The following SPOCK3 variants were observed in gnomAD, a reference collection of about 807,000 sequenced individuals.
SPOCK3 encodes testican-3.
A neutral mutation model predicts 56.6 loss-of-function variants in SPOCK3; 30 were observed. The observed-to-expected ratio is 0.53, with a 90% CI of 0.40 to 0.72. The LOEUF (loss-of-function observed/expected upper bound fraction) is 0.72. Among genes scored for constraint, SPOCK3 ranks in the 30% least tolerant of loss-of-function variants. The pLI is 0.00. For synonymous variants in SPOCK3, 196 were observed against 183.3 expected, an observed-to-expected ratio of 1.07 and a Z score of -0.56; for missense variants, 527 against 530.0, an observed-to-expected ratio of 0.99 and a Z score of 0.06.
intron 2 of SPOCK3, among the ~76,000 whole-genome samples, chr4:167,126,839 T>C (rs1237748269): frequency 6.6e-6 from 1 of 152,172 alleles, no homozygotes; most frequent in Non-Finnish European, 1.5e-5. Flanking sequence ...TCAACTTCCA[T>C]TTCAGCCTCT....
chr4:166,925,034 C>T (rs1169206737), intron 4 of SPOCK3, among the ~76,000 whole-genome samples: 3 of 152,104 alleles, frequency 2.0e-5, no homozygotes, highest in Admixed American at 6.6e-5. Context: ...GTAATCTTGT[C>T]CCACAAATGT....
At position 167,172,569 on chromosome 4, in the gene SPOCK3, A is replaced by G. The variant is rs116158060; in HGVS notation, c.189+61416T>C. Among the ~76,000 whole-genome samples, 656 of 152,308 alleles carry G rather than the reference A, an allele frequency of 4.3e-3. 4 individuals are homozygous for G. The highest frequency in any genetic ancestry group is 0.015 in the African/African-American group (631 of 41,582). On this transcript the variant is annotated intron_variant, in intron 2 of 10. Coordinates refer to ENST00000357545, the MANE Select transcript of SPOCK3 (RefSeq NM_001040159.2). The stretch of plus-strand genomic sequence containing the variant: ...TAAATGAAAGCATATTTCCTAAAAT[A>G]CATAAGCAACTTCAAACTAGTTTTC...
intron 3 of SPOCK3, among the ~76,000 whole-genome samples, chr4:167,054,810 C>T (rs1200475637): frequency 6.6e-6 from 1 of 152,014 alleles, no homozygotes; most frequent in Admixed American, 6.6e-5. Context: ...TGTACACGAA[C>T]AATTAGTTGA....
intron 3 of SPOCK3, among the ~76,000 whole-genome samples, chr4:167,005,427 A>C (rs1965063): frequency 0.6 from 90,643 of 151,348 alleles, 30,393 homozygotes; most frequent in East Asian, 0.82. Flanking sequence ...GTTAGCCAGG[A>C]TGGTCTCGAT....
chr4:166,874,076 G>A (rs150123511), intron 6 of SPOCK3, among the ~76,000 whole-genome samples: 34 of 152,238 alleles, frequency 2.2e-4, no homozygotes, highest in Admixed American at 2.0e-4. Flanking sequence ...CCATGCAGGG[G>A]AGAGAACAAA....
intron 4 of SPOCK3, among the ~76,000 whole-genome samples, chr4:166,931,088 T>C (rs903998856): frequency 2.0e-5 from 3 of 152,052 alleles, no homozygotes; most frequent in Non-Finnish European, 4.4e-5. Flanking sequence ...TTCAAGCAAT[T>C]CTCCTGCTTC....
At chr4:166,950,355 G>C (rs1742397725) in intron 4 of SPOCK3, among the ~76,000 whole-genome samples, 1 of 151,448 alleles carries the variant, frequency 6.6e-6, no homozygotes, top group Non-Finnish European at 1.5e-5. Context: ...TTACATAATG[G>C]TAAAGGGATC....
At chr4:167,083,115 ACTT>A in intron 2 of SPOCK3, 1 of 756,042 alleles carries the variant, frequency 1.3e-6, no homozygotes, top group East Asian at 2.4e-5. Flanking sequence ...AATGAGTGGT[ACTT>A]CTTAACTAAT....
intron 8 of SPOCK3, among the ~76,000 whole-genome samples, chr4:166,744,994 G>C (rs551360685): frequency 1.5e-4 from 23 of 152,286 alleles, no homozygotes; most frequent in African/African-American, 4.3e-4. Flanking sequence ...TATGTGAAGA[G>C]ACCAAATCTA....
At chr4:167,083,093 C>G (rs1757870780) in intron 2 of SPOCK3, 4 of 731,792 alleles carry the variant, frequency 5.5e-6, no homozygotes, top group South Asian at 2.9e-5. Context: ...AAAGAGCCCC[C>G]CTCACACAAT....
intron 2 of SPOCK3, among the ~76,000 whole-genome samples, chr4:167,231,090 C>G (rs890873512): frequency 1.3e-5 from 2 of 151,848 alleles, no homozygotes; most frequent in African/African-American, 4.8e-5. Context: ...GCTCTTTGTT[C>G]CTAAAGCTTT....
intron 6 of SPOCK3, among the ~76,000 whole-genome samples, chr4:166,820,524 CA>C (rs1341269132): frequency 6.6e-6 from 1 of 151,724 alleles, no homozygotes; most frequent in Non-Finnish European, 1.5e-5. Flanking sequence ...ACTCTCATAC[CA>C]AACATTAACT....
At chr4:167,147,672 A>T (rs1433396932) in intron 2 of SPOCK3, among the ~76,000 whole-genome samples, 2 of 152,130 alleles carry the variant, frequency 1.3e-5, no homozygotes, top group Non-Finnish European at 2.9e-5. Flanking sequence ...ACATAGATGA[A>T]GCTGGAAACC....
Position 166,925,551 on chromosome 4 carries a change from C to A in SPOCK3, c.351-12808G>T, listed in dbSNP as rs141913522. 3.0e-3 allele frequency among the ~76,000 whole-genome samples: 451 copies of A among 152,034 alleles called. 7 individuals are homozygous for A. In the East Asian group the frequency reaches 0.032, roughly 11 times the overall value. ...TGATAAATAATATAGATATTTGAAGCAATCTAGACATATTAATATCTAAAA... is the reference window on the plus strand; with the variant it reads ...TGATAAATAATATAGATATTTGAAGAAATCTAGACATATTAATATCTAAAA... On this transcript the variant is annotated intron_variant, in intron 4 of 10. Transcript: ENST00000357545.
chr4:166,762,406 G>A (rs1737361784), intron 7 of SPOCK3, among the ~76,000 whole-genome samples: 1 of 152,212 alleles, frequency 6.6e-6, no homozygotes, highest in East Asian at 1.9e-4. Flanking sequence ...AAGTATAAAA[G>A]GGTCTGCATA....
Position 167,214,368 on chromosome 4 carries a change from A to G in SPOCK3, c.189+19617T>C, listed in dbSNP as rs554121049. ...CTCTCATTAGTATTTTAGATTCTCC[A>G]GAGTTGAATGCATAACACTATAACA... On this transcript the variant is annotated intron_variant, in intron 2 of 10. Coordinates refer to ENST00000357545, the MANE Select transcript of SPOCK3 (RefSeq NM_001040159.2). Among the ~76,000 whole-genome samples the G allele has an allele frequency of 1.4e-3, 217 of 152,256 alleles. 1 individual carries two copies. Among genetic ancestry groups the G allele is most frequent in the Middle Eastern group, 3.4e-3 (1 of 294 alleles).
chr4:167,126,187 T>C lies in SPOCK3; in HGVS notation c.190-63650A>G, dbSNP rs569325030. On this transcript the variant is annotated intron_variant, in intron 2 of 10. Transcript: ENST00000357545. ...TCCTAACCCTACATCAAGCACAATG[T>C]TTGACACCTACGGTAAGGTCAGTCA... Among the ~76,000 whole-genome samples, 36 of 152,288 alleles carry C rather than the reference T, an allele frequency of 2.4e-4. No individual in the cohort carries two copies. In the South Asian group the frequency reaches 4.6e-3, roughly 19 times the overall value.
At chr4:166,771,545 A>C (rs1738931910) in intron 7 of SPOCK3, among the ~76,000 whole-genome samples, 1 of 152,022 alleles carries the variant, frequency 6.6e-6, no homozygotes. Context: ...AACCATTATT[A>C]TTACATTTCA....
At chr4:167,151,125 C>T (rs1764379118) in intron 2 of SPOCK3, among the ~76,000 whole-genome samples, 16 of 152,076 alleles carry the variant, frequency 1.1e-4, no homozygotes, top group Admixed American at 1.0e-3. Flanking sequence ...TTAGATATGT[C>T]GATGCCCAGG....
Sources: gnomAD v4.1 joint callset for allele counts (sites outside exome capture counted in the v4.1 genomes callset) on GRCh38, gnomAD v4.1.1 for gene constraint, MANE v1.5 for transcripts, NCBI Gene and HGNC (gene_info 2026-07-23, HGNC 2026-07-21) for gene names.